The following ZFAND3 variants were observed in gnomAD, a reference collection of about 807,000 sequenced individuals.
The protein encoded by ZFAND3 is zinc finger AN1-type containing 3, also known as AN1-type zinc finger protein 3.
ZFAND3 carries 10 observed loss-of-function variants against 29.6 expected under a neutral mutation model. That is an observed-to-expected ratio of 0.34 (90% CI 0.21 to 0.57). The LOEUF (loss-of-function observed/expected upper bound fraction) is 0.57, where lower values mean the gene tolerates loss of function less well. Among genes scored for constraint, ZFAND3 ranks in the 20% least tolerant of loss-of-function variants. The pLI, the probability that ZFAND3 is intolerant of heterozygous loss-of-function variation, is 0.86. For synonymous variants in ZFAND3, 128 were observed against 112.6 expected (o/e 1.14, Z -0.87); for missense variants, 230 against 304.5 (o/e 0.76, Z 1.82).
At chr6:38,062,049 A>G (rs55668535) in intron 3 of ZFAND3, among the ~76,000 whole-genome samples, 1 of 152,210 alleles carries the variant, frequency 6.6e-6, no homozygotes, top group African/African-American at 2.4e-5. Context: ...GGGGGTTTTT[A>G]AAACAATTTT....
chr6:37,853,391 A>G (rs1412926352), intron 1 of ZFAND3, among the ~76,000 whole-genome samples: 1 of 148,838 alleles, frequency 6.7e-6, no homozygotes, highest in African/African-American at 2.5e-5. Flanking sequence ...ACATTTTGCC[A>G]ACAGCCCTTC....
chr6:37,961,517 A>G (rs567793765), intron 2 of ZFAND3, among the ~76,000 whole-genome samples: 6 of 152,354 alleles, frequency 3.9e-5, no homozygotes, highest in Non-Finnish European at 7.3e-5. Flanking sequence ...CAGAGGTGAC[A>G]GCCAGGGTGT....
chr6:38,086,237 A>G (rs1764754631), intron 4 of ZFAND3, among the ~76,000 whole-genome samples: 1 of 152,170 alleles, frequency 6.6e-6, no homozygotes, highest in South Asian at 2.1e-4. Flanking sequence ...ATTAACAGTT[A>G]AACTCATTGT....
intron 2 of ZFAND3, among the ~76,000 whole-genome samples, chr6:37,941,628 T>C (rs906354459): frequency 6.6e-6 from 1 of 152,232 alleles, no homozygotes; most frequent in African/African-American, 2.4e-5. Flanking sequence ...TAGTCTCCTG[T>C]GTTTAGCTTC....
chr6:37,934,941 G>A (rs1037646922), intron 2 of ZFAND3, among the ~76,000 whole-genome samples: 4 of 148,626 alleles, frequency 2.7e-5, no homozygotes, highest in Middle Eastern at 3.5e-3. Flanking sequence ...TACCTTCCCC[G>A]TCAGTCCCCC....
chr6:37,848,970 T>C (rs1764233046), intron 1 of ZFAND3, among the ~76,000 whole-genome samples: 1 of 152,228 alleles, frequency 6.6e-6, no homozygotes, highest in Non-Finnish European at 1.5e-5. Flanking sequence ...TGAAGTTCTT[T>C]AAACATCATG....
At chr6:37,858,528 GGA>G (rs1217893545) in intron 1 of ZFAND3, among the ~76,000 whole-genome samples, 20 of 152,138 alleles carry the variant, frequency 1.3e-4, no homozygotes, top group African/African-American at 4.8e-4. Flanking sequence ...TTCTGGCAGT[GGA>G]GAGTAGTTTT....
At chr6:37,881,881 G>C (rs1414360463) in intron 1 of ZFAND3, among the ~76,000 whole-genome samples, 1 of 152,080 alleles carries the variant, frequency 6.6e-6, no homozygotes, top group Non-Finnish European at 1.5e-5. Flanking sequence ...TTGGATGCTA[G>C]TATATGGTAA....
At chr6:37,824,193 G>A (rs1315135160) in intron 1 of ZFAND3, among the ~76,000 whole-genome samples, 1 of 152,014 alleles carries the variant, frequency 6.6e-6, no homozygotes, top group African/African-American at 2.4e-5. Context: ...TTAGTACTCA[G>A]GCAAAAAACG....
intron 1 of ZFAND3, among the ~76,000 whole-genome samples, chr6:37,854,775 C>G (rs1166560111): frequency 9.1e-5 from 11 of 121,178 alleles, no homozygotes; most frequent in East Asian, 2.7e-4. Context: ...CCCCCCCCCC[C>G]CTTTTTTTTT....
At chr6:38,071,818 C>T (rs1459829140) in intron 3 of ZFAND3, among the ~76,000 whole-genome samples, 3 of 152,138 alleles carry the variant, frequency 2.0e-5, no homozygotes, top group Non-Finnish European at 2.9e-5. Flanking sequence ...TCCCAGAACA[C>T]CTAGCACACT....
chr6:38,135,700 G>A (rs151147966), intron 5 of ZFAND3, among the ~76,000 whole-genome samples: 35 of 152,172 alleles, frequency 2.3e-4, no homozygotes, highest in African/African-American at 3.4e-4. Flanking sequence ...AGCCGAGATC[G>A]CGCCACTGCA....
chr6:38,136,150 G>A (rs1050488453), intron 5 of ZFAND3, among the ~76,000 whole-genome samples: 1 of 152,128 alleles, frequency 6.6e-6, no homozygotes, highest in Non-Finnish European at 1.5e-5. Flanking sequence ...GGATGCCACC[G>A]CTTATTTCCT....
chr6:37,908,542 T>TAAAAAAAAAAAAAAAAAAAAAAAA (rs70981504), intron 1 of ZFAND3, among the ~76,000 whole-genome samples: 7 of 124,126 alleles, frequency 5.6e-5, no homozygotes, highest in Non-Finnish European at 9.9e-5. Context: ...AAAAAAAAAT[T>TAAAAAAAAAAAAAAAAAAAAAAAA]AAAAAAAAAA....
At chr6:37,857,714 T>C (rs931546367) in intron 1 of ZFAND3, among the ~76,000 whole-genome samples, 1 of 152,168 alleles carries the variant, frequency 6.6e-6, no homozygotes, top group Non-Finnish European at 1.5e-5. Context: ...AAATTGTAGG[T>C]AATAGCCTAA....
intron 2 of ZFAND3, among the ~76,000 whole-genome samples, chr6:37,971,934 C>G (rs1762395274): frequency 6.6e-6 from 1 of 151,502 alleles, no homozygotes; most frequent in African/African-American, 2.4e-5. Context: ...GTGATCTTGC[C>G]ACTGCACTCC....
At chr6:37,981,895 A>G (rs991050636) in intron 2 of ZFAND3, among the ~76,000 whole-genome samples, 1 of 152,212 alleles carries the variant, frequency 6.6e-6, no homozygotes, top group African/African-American at 2.4e-5. Context: ...GACATGATAC[A>G]TCAGTCAGTA....
At chr6:38,046,774 G>A (rs1763912172) in intron 2 of ZFAND3, among the ~76,000 whole-genome samples, 1 of 152,110 alleles carries the variant, frequency 6.6e-6, no homozygotes, top group Non-Finnish European at 1.5e-5. Context: ...AAAGAACAAG[G>A]ATTTTAGTTG....
chr6:37,855,269 C>G (rs998672557), intron 1 of ZFAND3, among the ~76,000 whole-genome samples: 1 of 151,180 alleles, frequency 6.6e-6, no homozygotes, highest in African/African-American at 2.4e-5. Context: ...CTTAGCCTCC[C>G]GAGTAGCTGG....
Sources: allele counts gnomAD v4.1 joint callset (sites outside exome capture counted in the v4.1 genomes callset), GRCh38; gene constraint gnomAD v4.1.1; transcripts MANE v1.5; gene names NCBI Gene and HGNC (gene_info 2026-07-23, HGNC 2026-07-21).